Variants in AGO3 observed in about 807,000 individuals in gnomAD.
AGO3 encodes argonaute RISC catalytic component 3.
AGO3 carries 16 observed loss-of-function variants against 105.5 expected under a neutral mutation model. That is an observed-to-expected ratio of 0.15 (90% CI 0.10 to 0.23). The LOEUF is 0.23. Among genes scored for constraint, AGO3 ranks in the 10% least tolerant of loss-of-function variants. The pLI is 1.00. For synonymous variants in AGO3, 340 were observed against 367.3 expected (o/e 0.93, Z 0.85); for missense variants, 534 against 1,088.0 (o/e 0.49, Z 7.16).
chr1:36,051,859 G>T (rs904538987), intron 17 of AGO3, among the ~76,000 whole-genome samples: 7 of 152,114 alleles, frequency 4.6e-5, no homozygotes, highest in Non-Finnish European at 8.8e-5. Context: ...ATCACCAGGG[G>T]AATGCCAATT....
chr1:35,978,675 A>T (rs1458628581), intron 5 of AGO3, among the ~76,000 whole-genome samples: 1 of 152,168 alleles, frequency 6.6e-6, no homozygotes, highest in Non-Finnish European at 1.5e-5. Context: ...GGGATTCTGG[A>T]GGCTCAGTTT....
At chr1:36,002,793 A>G (rs1207244988) in intron 5 of AGO3, among the ~76,000 whole-genome samples, 1 of 151,690 alleles carries the variant, frequency 6.6e-6, no homozygotes, top group Non-Finnish European at 1.5e-5. Flanking sequence ...AAAGATCCCC[A>G]CATAAAAAGT....
At chr1:35,954,499 TAAATC>T (rs1646529977) in intron 2 of AGO3, among the ~76,000 whole-genome samples, 1 of 152,236 alleles carries the variant, frequency 6.6e-6, no homozygotes, top group African/African-American at 2.4e-5. Context: ...TAGGTTAACT[TAAATC>T]TATTTAAACC....
rs975946687 is a variant in AGO3, at chr1:36,069,499, T to C, written c.*13754T>C. 1 of 152,252 alleles carries C rather than the reference T, an allele frequency of 6.6e-6. No individual in the cohort carries two copies. Among genetic ancestry groups the C allele is most frequent in the African/African-American group, 2.4e-5 (1 of 41,464 alleles). 9.4% of individuals were successfully genotyped at this position (152,252 alleles called of 1,614,324 possible). ...AGAAGAGTGTTGTGTGAAGGATTCC[T>C]TTCCAGTTTGCCTCTGTGAAAATGT... On this transcript the variant is annotated 3_prime_UTR_variant, in exon 19 of 19. Transcript: ENST00000373191.
chr1:35,937,850 G>A (rs1369974974), intron 1 of AGO3, among the ~76,000 whole-genome samples: 1 of 152,136 alleles, frequency 6.6e-6, no homozygotes, highest in Non-Finnish European at 1.5e-5. Flanking sequence ...GCAGGTAGGA[G>A]GTTCCTGAAG....
chr1:35,930,890 C>T (rs1470955339), upstream of AGO3: 1 of 245,818 alleles, frequency 4.1e-6, no homozygotes, highest in Non-Finnish European at 7.7e-6. Context: ...TAGTCCTGCC[C>T]CTCCGCGTTG....
chr1:35,970,232 TA>T (rs1161288833), intron 3 of AGO3, among the ~76,000 whole-genome samples: 2 of 152,206 alleles, frequency 1.3e-5, no homozygotes, highest in African/African-American at 4.8e-5. Flanking sequence ...AGGAAATTTA[TA>T]AATAAGTAGA....
chr1:36,026,764 C>T (rs1236356538), intron 11 of AGO3, among the ~76,000 whole-genome samples: 2 of 152,164 alleles, frequency 1.3e-5, no homozygotes, highest in African/African-American at 4.8e-5. Context: ...AATCCTTTTA[C>T]AGATGAGGAA....
intron 17 of AGO3, among the ~76,000 whole-genome samples, chr1:36,046,713 A>G (rs1642489481): frequency 1.3e-5 from 2 of 149,444 alleles, no homozygotes; most frequent in African/African-American, 2.5e-5. Context: ...CAATGTACTA[A>G]GCAGTGCCTT....
In AGO3 at chr1:35,972,145, TGCCTGA is replaced by T; in HGVS notation, c.438_443del (p.Glu147_Pro148del). ...CATGAAGTACTGACAGGACGGACCTTGCCTGAGCCACTGGAATTAGACAAGCCAATC... is the reference window on the plus strand; with the variant it reads ...CATGAAGTACTGACAGGACGGACCTTGCCACTGGAATTAGACAAGCCAATC... On this transcript the variant is annotated inframe_deletion, in exon 4 of 19. Coordinates refer to ENST00000373191, the MANE Select transcript of AGO3 (RefSeq NM_024852.4). 1 of 1,614,096 alleles carries T rather than the reference TGCCTGA, an allele frequency of 6.2e-7. No individual in the cohort carries two copies. The highest frequency in any genetic ancestry group is 8.5e-7 in the Non-Finnish European group (1 of 1,180,018).
intron 16 of AGO3, among the ~76,000 whole-genome samples, chr1:36,042,847 T>G (rs1315597167): frequency 6.6e-6 from 1 of 152,242 alleles, no homozygotes; most frequent in Non-Finnish European, 1.5e-5. Context: ...TATTTCATTG[T>G]TTGAATCCCA....
intron 1 of AGO3, among the ~76,000 whole-genome samples, chr1:35,939,743 T>C (rs1646217970): frequency 6.6e-6 from 1 of 152,126 alleles, no homozygotes; most frequent in Admixed American, 6.6e-5. Context: ...ATTTCTCTCT[T>C]TTTTATGATA....
intron 2 of AGO3, among the ~76,000 whole-genome samples, chr1:35,952,222 C>A (rs1646487813): frequency 6.8e-6 from 1 of 148,140 alleles, no homozygotes; most frequent in African/African-American, 2.5e-5. Flanking sequence ...TCGCGGCTCA[C>A]TGCAACCTCT....
intron 1 of AGO3, among the ~76,000 whole-genome samples, chr1:35,936,459 C>T (rs1387919191): frequency 1.3e-5 from 2 of 152,132 alleles, no homozygotes; most frequent in Non-Finnish European, 2.9e-5. Flanking sequence ...GCTCTCGTCG[C>T]CCAGGCTAGA....
At chr1:35,962,266 A>G (rs550036598) in intron 2 of AGO3, among the ~76,000 whole-genome samples, 1 of 152,264 alleles carries the variant, frequency 6.6e-6, no homozygotes, top group Admixed American at 6.5e-5. Context: ...GTTACTGGCC[A>G]GGCGCCGTGG....
chr1:35,992,715 G>C (rs1482931766), intron 5 of AGO3, among the ~76,000 whole-genome samples: 1 of 152,194 alleles, frequency 6.6e-6, no homozygotes, highest in African/African-American at 2.4e-5. Flanking sequence ...GGATGGTTAA[G>C]TCTTATTTTA....
At chr1:35,991,257 T>C (rs1389436219) in intron 5 of AGO3, among the ~76,000 whole-genome samples, 2 of 152,066 alleles carry the variant, frequency 1.3e-5, no homozygotes, top group Admixed American at 1.3e-4. Context: ...ATCGCGCCAC[T>C]GCACCCAGCT....
intron 17 of AGO3, among the ~76,000 whole-genome samples, chr1:36,049,775 A>G (rs1425206048): frequency 6.6e-6 from 1 of 152,166 alleles, no homozygotes; most frequent in Admixed American, 6.6e-5. Context: ...TTTAAGTTAG[A>G]CAAAACAGAC....
Position 36,008,271 on chromosome 1 carries a change from G to T in AGO3, c.794-419G>T, listed in dbSNP as rs1640427645. The stretch of plus-strand genomic sequence containing the variant: ...TTCTGATCTTCAAGCAGTATGTGAT[G>T]ACTGGGCTAGGTAAATATCACATAA... On this transcript the variant is annotated intron_variant, in intron 6 of 18. Transcript: ENST00000373191. This position sits in a 1 kb window ranked among gnomAD's most constrained non-coding sequence, Gnocchi z 5.1. 6.6e-6 allele frequency among the ~76,000 whole-genome samples: 1 copy of T among 152,130 alleles called. No individual in the cohort carries two copies.
Sources: gnomAD v4.1 joint callset for allele counts (sites outside exome capture counted in the v4.1 genomes callset) on GRCh38, gnomAD v4.1.1 for gene constraint, Gnocchi (gnomAD v3.1) non-coding constraint, MANE v1.5 for transcripts, NCBI Gene and HGNC (gene_info 2026-07-23, HGNC 2026-07-21) for gene names.